The following ANKS1B variants were observed in gnomAD, a reference collection of about 807,000 sequenced individuals.
ANKS1B encodes the protein ankyrin repeat and sterile alpha motif domain-containing protein 1B.
Under a neutral mutation model 148.3 loss-of-function variants are expected in ANKS1B, and 36 were observed. That is an observed-to-expected ratio of 0.24 (90% confidence interval 0.19 to 0.32). ANKS1B has a LOEUF of 0.32. ANKS1B is among the 10% of genes least tolerant of loss of function. The pLI is 1.00. For missense variants in ANKS1B, 1,157 were observed against 1,542.6 expected, an observed-to-expected ratio of 0.75 and a Z score of 4.19; for synonymous variants, 542 against 560.8, an observed-to-expected ratio of 0.97 and a Z score of 0.47.
intron 1 of ANKS1B, among the ~76,000 whole-genome samples, chr12:99,929,566 C>T (rs892583451): frequency 3.9e-5 from 6 of 152,096 alleles, no homozygotes; most frequent in Non-Finnish European, 7.4e-5. Flanking sequence ...ACATGAAGTC[C>T]TTGCCCATGC....
intron 17 of ANKS1B, among the ~76,000 whole-genome samples, chr12:98,991,131 G>C (rs1315342022): frequency 1.3e-5 from 2 of 152,204 alleles, no homozygotes; most frequent in African/African-American, 2.4e-5. Flanking sequence ...TGACATGTGT[G>C]ACTTTGAGTT....
intron 1 of ANKS1B, among the ~76,000 whole-genome samples, chr12:99,863,698 G>C (rs1000880057): frequency 6.0e-5 from 9 of 150,972 alleles, no homozygotes; most frequent in African/African-American, 1.9e-4. Context: ...CTGGGTGACA[G>C]AGCAAGACAC....
intron 10 of ANKS1B, among the ~76,000 whole-genome samples, chr12:99,487,394 A>G (rs2096504459): frequency 6.6e-6 from 1 of 152,204 alleles, no homozygotes; most frequent in African/African-American, 2.4e-5. Flanking sequence ...AATTACCATC[A>G]TCATGACATA....
chr12:99,655,120 C>T lies in ANKS1B; in HGVS notation c.1219G>A (p.Ala407Thr), dbSNP rs11109977. The change falls in exon 9 of 27, where the codon GCA (alanine) becomes ACA (threonine). Residue 407 changes from alanine (A) to threonine (T), a missense_variant. Transcript: ENST00000683438. ...CTACATCCATTACACGGAGTTAATG[C>T]TTCCCAAAGTCCTGATGGCCCACAC... ...NTCGPSGLWE[A>T]LTPCNGCRNL... The T allele has an allele frequency of 6.2e-7, 1 of 1,612,634 alleles. No homozygotes were observed. The highest frequency in any genetic ancestry group is 8.5e-7 in the Non-Finnish European group (1 of 1,179,054).
chr12:99,560,663 T>C lies in ANKS1B; in HGVS notation c.1273-56022A>G, dbSNP rs146780439. 2.7e-3 allele frequency among the ~76,000 whole-genome samples: 414 copies of C among 152,210 alleles called. 2 individuals are homozygous for C. The highest frequency in any genetic ancestry group is 9.8e-3 in the African/African-American group (407 of 41,560). ...AATAGCATTATATCTATAAAAGCAA[T>C]GTACATACCTTAATTTAAAAACATT... is the stretch of plus-strand genomic sequence containing the variant. On this transcript the variant is annotated intron_variant, in intron 9 of 26. Transcript: ENST00000683438.
intron 16 of ANKS1B, among the ~76,000 whole-genome samples, chr12:99,066,162 A>G: frequency 6.6e-6 from 1 of 152,112 alleles, no homozygotes; most frequent in African/African-American, 2.4e-5. Context: ...CTAAAATACA[A>G]AAACCCAGCC....
intron 14 of ANKS1B, among the ~76,000 whole-genome samples, chr12:99,242,066 A>G (rs1421387081): frequency 6.6e-6 from 1 of 151,978 alleles, no homozygotes; most frequent in Non-Finnish European, 1.5e-5. Context: ...AGGCAAGAGA[A>G]TGACATAAAT....
intron 10 of ANKS1B, among the ~76,000 whole-genome samples, chr12:99,479,860 A>G (rs904130644): frequency 5.3e-5 from 8 of 151,864 alleles, no homozygotes; most frequent in African/African-American, 1.9e-4. Context: ...GTATATTTCA[A>G]AATTGCTAAA....
At chr12:99,549,272 G>A (rs537264440) in intron 9 of ANKS1B, among the ~76,000 whole-genome samples, 21 of 152,278 alleles carry the variant, frequency 1.4e-4, no homozygotes, top group Admixed American at 7.2e-4. Flanking sequence ...CACAGTAAGC[G>A]TGATGGCAGA....
intron 12 of ANKS1B, among the ~76,000 whole-genome samples, chr12:99,357,298 A>G (rs899860251): frequency 6.6e-6 from 1 of 151,780 alleles, no homozygotes; most frequent in Admixed American, 6.6e-5. Context: ...ATATGGTTTG[A>G]TTTCCCTTTT....
intron 22 of ANKS1B, chr12:98,795,031 G>T (rs1268351053): frequency 1.1e-5 from 8 of 724,314 alleles, no homozygotes; most frequent in African/African-American, 1.8e-5. Context: ...ACTTGAAACT[G>T]CTAAATTATT....
chr12:99,479,746 CAGAATGTTAGTCGAAAGG>C (rs924941535), intron 10 of ANKS1B, among the ~76,000 whole-genome samples: 4 of 151,762 alleles, frequency 2.6e-5, no homozygotes, highest in Admixed American at 2.6e-4. Context: ...AGGAGAAAGG[CAGAATGTTAGTCGAAAGG>C]AGAATGTTAG....
rs572537478 is a variant in ANKS1B, at chr12:99,138,109, T to C, written c.2526+16180A>G. Among the ~76,000 whole-genome samples, 4 of 152,310 alleles carry C rather than the reference T, an allele frequency of 2.6e-5. No homozygotes were observed. In the South Asian group the frequency reaches 6.2e-4, roughly 24 times the overall value. On this transcript the variant is annotated intron_variant, in intron 15 of 26. Coordinates refer to ENST00000683438, the MANE Select transcript of ANKS1B (RefSeq NM_001352186.2). ...AAGCCCTAGCATAACATCTGGCATA[T>C]GAAAGTGGAAACTAAGCAAATGTTT...
intron 17 of ANKS1B, among the ~76,000 whole-genome samples, chr12:98,832,915 A>G (rs1471484705): frequency 2.0e-5 from 3 of 152,216 alleles, no homozygotes; most frequent in African/African-American, 7.2e-5. Flanking sequence ...GATGACTAAA[A>G]AAAAATAAGG....
intron 8 of ANKS1B, among the ~76,000 whole-genome samples, chr12:99,716,246 C>A (rs2057314139): frequency 6.6e-6 from 1 of 151,942 alleles, no homozygotes; most frequent in Non-Finnish European, 1.5e-5. Flanking sequence ...TATTTCCATG[C>A]CCTGACCTCT....
At chr12:99,863,686 G>A (rs2090344058) in intron 1 of ANKS1B, among the ~76,000 whole-genome samples, 1 of 151,774 alleles carries the variant, frequency 6.6e-6, no homozygotes, top group Non-Finnish European at 1.5e-5. Context: ...CTGCACTCCA[G>A]CCTGGGTGAC....
chr12:99,344,838 T>A (rs1267065344), intron 12 of ANKS1B: 1 of 152,050 alleles, frequency 6.6e-6, no homozygotes, highest in Non-Finnish European at 1.5e-5. Context: ...AATATAATTT[T>A]AAAAAACAAC....
intron 25 of ANKS1B, among the ~76,000 whole-genome samples, chr12:98,757,918 ATG>A (rs2098294161): frequency 8.6e-6 from 1 of 115,894 alleles, no homozygotes; most frequent in Non-Finnish European, 1.9e-5. Context: ...AGAGAGCTGC[ATG>A]TGTGTGCATG....
chr12:99,646,848 G>A (rs1244282967), intron 9 of ANKS1B, among the ~76,000 whole-genome samples: 2 of 150,918 alleles, frequency 1.3e-5, no homozygotes, highest in East Asian at 3.9e-4. Context: ...CAATCTGATG[G>A]TAAAGAATAG....
Sources: gnomAD v4.1 joint callset for allele counts (sites outside exome capture counted in the v4.1 genomes callset) on GRCh38, gnomAD v4.1.1 for gene constraint, MANE v1.5 for transcripts, NCBI Gene and HGNC (gene_info 2026-07-23, HGNC 2026-07-21) for gene names.